GAREM2: variants seen among roughly 807,000 people sequenced by gnomAD.
GAREM2 encodes GRB2 associated regulator of MAPK1 subtype 2, also known as GRB2-associated and regulator of MAPK protein 2.
Under a neutral mutation model 55.6 loss-of-function variants are expected in GAREM2, and 30 were observed. That is an observed-to-expected ratio of 0.54 (90% confidence interval 0.40 to 0.73). The LOEUF is 0.73. Among genes scored for constraint, GAREM2 ranks in the 30% least tolerant of loss-of-function variants. The pLI is 0.00. For synonymous variants in GAREM2, 550 were observed against 569.1 expected (o/e 0.97, Z 0.48); for missense variants, 1,075 against 1,257.7 (o/e 0.85, Z 2.20).
chr2:26,174,044 G>C (rs2147716881), intron 1 of GAREM2, among the ~76,000 whole-genome samples: 1 of 152,348 alleles, frequency 6.6e-6, no homozygotes, highest in African/African-American at 2.4e-5. Flanking sequence ...TGGGGGGAGG[G>C]GGGTGCTGCT....
the GAREM2 span, chr2:26,204,145 G>T: frequency 6.2e-7 from 1 of 1,613,566 alleles, no homozygotes; most frequent in South Asian, 1.1e-5. Flanking sequence ...TATCCACGGA[G>T]ACTTGGGCGA....
chr2:26,200,490 G>T, the GAREM2 span, among the ~76,000 whole-genome samples: 1 of 152,170 alleles, frequency 6.6e-6, no homozygotes, highest in African/African-American at 2.4e-5. Context: ...TGGACGAACT[G>T]TCTTCCCTAT....
At chr2:26,192,348 A>C (rs1669532360), downstream of GAREM2, 1 of 1,608,304 alleles carries the variant, frequency 6.2e-7, no homozygotes, top group Non-Finnish European at 8.5e-7. Context: ...TCGCTAAAAT[A>C]CTATCCATGT....
downstream of GAREM2, chr2:26,191,473 C>T (rs768516891): frequency 1.2e-5 from 20 of 1,614,158 alleles, no homozygotes; most frequent in Admixed American, 1.7e-5. Flanking sequence ...TCCCAACCTG[C>T]GAGACCAACC....
At chr2:26,197,850 G>T in the GAREM2 span, 2 of 806,922 alleles carry the variant, frequency 2.5e-6, no homozygotes. Context: ...CAAAGCTAAT[G>T]AGTGACACCT....
Position 26,184,821 on chromosome 2 carries a change from G to A in GAREM2, c.973G>A (p.Ala325Thr). The A allele has an allele frequency of 6.7e-7, 1 of 1,488,986 alleles. No individual in the cohort carries two copies. The highest frequency in any genetic ancestry group is 1.3e-5 in the South Asian group (1 of 79,052). The allele number at this position is 1,488,986 out of a possible 1,614,324, so 92.2% of individuals were successfully genotyped here. A position where few individuals can be genotyped will look rare whatever the true frequency, so the allele number is the denominator to read the frequency against. Residue 325 changes from alanine to threonine, a missense_variant, in exon 4 of 6, where the codon GCG (alanine) becomes ACG (threonine). Physicochemically the swap from Ala to Thr is moderately conservative, Grantham distance 58 (BLOSUM62 0). Around this residue, in one of 6 missense-constraint regions of GAREM2, gnomAD observed 170 missense variants for 220.7 expected, o/e 0.77. Coordinates refer to ENST00000401533, the MANE Select transcript of GAREM2 (RefSeq NM_001168241.2). ...FLLLTDTPRF[A>T]LPQGLLAGDP... Reference sequence around the variant, plus strand: ...GCTGCTCACGGACACGCCGCGCTTCGCGCTGCCGCAGGGCCTGCTGGCCGG... The same window carrying A: ...GCTGCTCACGGACACGCCGCGCTTCACGCTGCCGCAGGGCCTGCTGGCCGG...
chr2:26,174,529 C>A (rs1469640320), intron 1 of GAREM2, among the ~76,000 whole-genome samples: 1 of 152,248 alleles, frequency 6.6e-6, no homozygotes, highest in East Asian at 1.9e-4. Flanking sequence ...CTACTGTGCA[C>A]CCCATTATAA....
chr2:26,203,125 T>A, the GAREM2 span, among the ~76,000 whole-genome samples: 1 of 152,214 alleles, frequency 6.6e-6, no homozygotes, highest in Non-Finnish European at 1.5e-5. Flanking sequence ...ATTTTTTTGG[T>A]CAGAATCTTC....
chr2:26,186,299 G>T lies in GAREM2; in HGVS notation c.1539G>T (p.Leu513=). The T allele has an allele frequency of 1.3e-6, 2 of 1,551,514 alleles. No homozygotes were observed. Among genetic ancestry groups the T allele is most frequent in the South Asian group, 2.4e-5 (2 of 84,056 alleles). ...CGGTTCCCCCTCGCTTCCCCAAGCTGCAGCCGGTACATTCCCCCAGCTCCA... is the reference window on the plus strand; with the variant it reads ...CGGTTCCCCCTCGCTTCCCCAAGCTTCAGCCGGTACATTCCCCCAGCTCCA... ...SPPVPPRFPK[L]QPVHSPSSSL... Residue 513 remains leucine (L), a synonymous_variant, in exon 5 of 6, where the codon CTG becomes CTT. Transcript: ENST00000401533.
chr2:26,184,977 C>T lies in GAREM2; in HGVS notation c.1129C>T (p.Arg377Cys), dbSNP rs2147736051. ...CGCCGAAGACTGCGCCAGCCCGCGC[C>T]GCGCGCGCCTCTGCCTGCCCGCGCC... is the stretch of plus-strand genomic sequence containing the variant. Reference protein sequence around the residue: ...ELAEDCASPRRARLCLPAPRA... With the variant: ...ELAEDCASPRCARLCLPAPRA... The change falls in exon 4 of 6, where the codon CGC becomes TGC. Residue 377 changes from arginine to cysteine, a missense_variant. Arg to Cys is a radical substitution (Grantham distance 180, BLOSUM62 -3). Coordinates refer to ENST00000401533, the MANE Select transcript of GAREM2 (RefSeq NM_001168241.2). 1 of 1,192,382 alleles carries T rather than the reference C, an allele frequency of 8.4e-7. No individual in the cohort carries two copies. The highest frequency in any genetic ancestry group is 4.6e-5 in the Admixed American group (1 of 21,914). The allele number at this position is 1,192,382 out of a possible 1,614,324, so 73.9% of individuals were successfully genotyped here. A position where few individuals can be genotyped will look rare whatever the true frequency, so the allele number is the denominator to read the frequency against.
chr2:26,173,362 G>A, intron 1 of GAREM2, 30 bp downstream of exon 1: 1 of 1,252,636 alleles, frequency 8.0e-7, no homozygotes, highest in South Asian at 1.8e-5. Context: ...TGGGGACCGG[G>A]GTCCGCGGGG....
Position 26,187,535 on chromosome 2 carries a change from G to T in GAREM2, c.1903G>T (p.Gly635Trp). ...GTTTGGAGCTCTCAACCCTTTTTCC[G>T]GGCCTGCCTACCCCTCAGGCCCTTC... ...APFGALNPFS[G>W]PAYPSGPSAA... Residue 635 changes from glycine (G) to tryptophan (W), a missense_variant, in exon 6 of 6, where the codon GGG becomes TGG. Gly to Trp is a radical substitution (Grantham distance 184). This residue lies in a region of GAREM2 where 515 missense variants were observed against 501.5 expected (regional missense o/e 1.03). Transcript: ENST00000401533. The T allele has an allele frequency of 6.5e-7, 1 of 1,534,176 alleles. No homozygotes were observed. The highest frequency in any genetic ancestry group is 8.8e-7 in the Non-Finnish European group (1 of 1,139,690).
intron 2 of GAREM2, chr2:26,181,317 TTG>T: frequency 5.9e-6 from 1 of 169,840 alleles, no homozygotes; most frequent in Non-Finnish European, 1.2e-5. Context: ...TGGTCTGCTT[TTG>T]TGTCTCTGTG....
At chr2:26,182,454 G>C (rs1244319209) in intron 2 of GAREM2, 1 of 1,550,456 alleles carries the variant, frequency 6.4e-7, no homozygotes, top group Non-Finnish European at 8.7e-7. Flanking sequence ...CCTCCATGCG[G>C]ATCAGCAGCC....
At chr2:26,185,298 C>T in intron 4 of GAREM2, 22 bp downstream of exon 4, 3 of 1,490,190 alleles carry the variant, frequency 2.0e-6, no homozygotes, top group Non-Finnish European at 2.7e-6. Flanking sequence ...CGCTGGGGGC[C>T]GAGTCCCGGG....
At chr2:26,182,901 T>C in intron 2 of GAREM2, 66 bp from the exon 3 acceptor site, 1 of 1,533,390 alleles carries the variant, frequency 6.5e-7, no homozygotes, top group Non-Finnish European at 8.8e-7. Context: ...ATGAAGGCTC[T>C]TGGGACGCAG....
rs964560115 is a variant in GAREM2 at position 26,188,526 on chromosome 2, C to T, written c.*269C>T. On this transcript the variant is annotated 3_prime_UTR_variant, in exon 6 of 6. Coordinates refer to ENST00000401533, the MANE Select transcript of GAREM2 (RefSeq NM_001168241.2). ...TACCTGGGCCCAGTAAGGCATTTGCCGTGATTCCCACAACGGGGTCAAAAG... is the reference window on the plus strand; with the variant it reads ...TACCTGGGCCCAGTAAGGCATTTGCTGTGATTCCCACAACGGGGTCAAAAG... 3 of 355,108 alleles carry T rather than the reference C, an allele frequency of 8.4e-6. No individual in the cohort carries two copies. The Admixed American group carries it at 1.4e-4, about 17-fold the overall frequency. The allele number at this position is 355,108 out of a possible 1,614,324, so 22.0% of individuals were successfully genotyped here.
downstream of GAREM2, chr2:26,192,196 A>T (rs970788774): frequency 4.4e-6 from 3 of 680,648 alleles, no homozygotes; most frequent in Non-Finnish European, 7.9e-6. Flanking sequence ...AAACCTGCAC[A>T]TGTATCCCAG....
At position 26,173,140 on chromosome 2, in the gene GAREM2, G is replaced by A. The variant is rs940372770; in HGVS notation, c.-81G>A. 1.6e-5 allele frequency: 5 copies of A among 311,198 alleles called. No homozygotes were observed. Among genetic ancestry groups the A allele is most frequent in the African/African-American group, 2.3e-5 (1 of 43,790 alleles). The allele number at this position is 311,198 out of a possible 1,614,324, so 19.3% of individuals were successfully genotyped here. A position where few individuals can be genotyped will look rare whatever the true frequency, so the allele number is the denominator to read the frequency against. Reference sequence around the variant, plus strand: ...GGCGAGCGCCGCGGCGGCCCCGGGAGGTGGCGGCGGGCGCGAGAGCCTGGG... The same window carrying A: ...GGCGAGCGCCGCGGCGGCCCCGGGAAGTGGCGGCGGGCGCGAGAGCCTGGG... On this transcript the variant is annotated 5_prime_UTR_variant, in exon 1 of 6. Transcript: ENST00000401533.
Sources: allele counts gnomAD v4.1 joint callset (sites outside exome capture counted in the v4.1 genomes callset), GRCh38; gene constraint gnomAD v4.1.1; regional missense constraint gnomAD v4.1.1; transcripts MANE v1.5; gene names NCBI Gene and HGNC (gene_info 2026-07-23, HGNC 2026-07-21).